The following UBOX5 variants were observed in gnomAD, a reference collection of about 807,000 sequenced individuals.
UBOX5 encodes U-box domain containing 5, also known as RING finger protein 37.
UBOX5 carries 28 observed loss-of-function variants against 39.0 expected under a neutral mutation model. The observed-to-expected ratio is 0.72, with a 90% CI of 0.53 to 0.98. The LOEUF is 0.98. Ranked by LOEUF, UBOX5 falls within the 50% of genes least tolerant of loss-of-function variation. The probability of loss-of-function intolerance (pLI) is 0.00; values close to 1 mark genes in which losing one functional copy is unlikely to be tolerated. For missense variants in UBOX5, 585 were observed against 674.4 expected (o/e 0.87, Z 1.47); for synonymous variants, 283 against 275.5 (o/e 1.03, Z -0.27).
In UBOX5 at chr20:3,130,537, A is replaced by G. The variant is rs1239416055; in HGVS notation, c.-41-7131T>C. ...TTTGCAACTTTTTACTACTACCTTA[A>G]GATCAAAATCTTAAGTAGATTTTTG... is the stretch of plus-strand genomic sequence containing the variant. On this transcript the variant is annotated intron_variant, in intron 1 of 4. Coordinates refer to ENST00000217173, the MANE Select transcript of UBOX5 (RefSeq NM_014948.4). Among the ~76,000 whole-genome samples the G allele has an allele frequency of 3.3e-5, 5 of 151,930 alleles. No homozygotes were observed. In the East Asian group the frequency reaches 9.6e-4, roughly 29 times the overall value.
At chr20:3,140,280 C>T (rs946224743) in intron 1 of UBOX5, among the ~76,000 whole-genome samples, 1 of 152,090 alleles carries the variant, frequency 6.6e-6, no homozygotes, top group Admixed American at 6.6e-5. Context: ...CCTTGGCCTC[C>T]CACAATGCTG....
chr20:3,143,129 A>G (rs975443064), intron 1 of UBOX5, among the ~76,000 whole-genome samples: 7 of 131,756 alleles, frequency 5.3e-5, no homozygotes, highest in Non-Finnish European at 9.4e-5. Flanking sequence ...TTTTTGAGAC[A>G]GAGTCTCTGG....
At chr20:3,112,021 G>GT (rs2066257493) in intron 4 of UBOX5, among the ~76,000 whole-genome samples, 2 of 152,150 alleles carry the variant, frequency 1.3e-5, no homozygotes, top group African/African-American at 4.8e-5. Flanking sequence ...GGCTGCGGGT[G>GT]TTTTCTTTGG....
chr20:3,155,219 CCCTGT>C lies in UBOX5; in HGVS notation c.-42+4542_-42+4546del, dbSNP rs2066672165. Among the ~76,000 whole-genome samples, 3 of 152,030 alleles carry C rather than the reference CCCTGT, an allele frequency of 2.0e-5. No individual in the cohort carries two copies. The South Asian group carries it at 6.2e-4, about 32-fold the overall frequency. On this transcript the variant is annotated intron_variant, in intron 1 of 4. Coordinates refer to ENST00000217173, the MANE Select transcript of UBOX5 (RefSeq NM_014948.4). ...GACCAGCCTGGGTAACATGGTGAAA[CCCTGT>C]CTCTACTAAAAATACAAAAAGTAGG...
At chr20:3,123,132 G>A (rs1055442003) in intron 2 of UBOX5, among the ~76,000 whole-genome samples, 180 bp downstream of exon 2, 5 of 152,146 alleles carry the variant, frequency 3.3e-5, no homozygotes, top group Non-Finnish European at 5.9e-5. Flanking sequence ...TCACCATGGC[G>A]CTGTGTGATT....
intron 1 of UBOX5, among the ~76,000 whole-genome samples, chr20:3,136,478 C>T (rs895432808): frequency 6.6e-5 from 10 of 151,714 alleles, no homozygotes; most frequent in Admixed American, 1.3e-4. Context: ...CTCAGCCTCC[C>T]GAGTAGCTGG....
At chr20:3,146,782 A>G (rs1218734963) in intron 1 of UBOX5, 9 of 1,613,218 alleles carry the variant, frequency 5.6e-6, no homozygotes, top group South Asian at 5.5e-5. Context: ...CCCTTCAGAG[A>G]GCAGAGGTGA....
intron 1 of UBOX5, among the ~76,000 whole-genome samples, chr20:3,140,832 T>C (rs1247049940): frequency 6.6e-6 from 1 of 151,636 alleles, no homozygotes; most frequent in African/African-American, 2.4e-5. Flanking sequence ...GTACTGAGCA[T>C]AGTACTAACA....
intron 1 of UBOX5, among the ~76,000 whole-genome samples, chr20:3,157,081 C>T (rs1437212762): frequency 6.7e-6 from 1 of 148,680 alleles, no homozygotes; most frequent in Non-Finnish European, 1.5e-5. Flanking sequence ...GGCTACATGG[C>T]GAGACCCTGT....
intron 4 of UBOX5, among the ~76,000 whole-genome samples, chr20:3,112,732 A>T (rs949575585): frequency 6.6e-6 from 1 of 152,160 alleles, no homozygotes; most frequent in African/African-American, 2.4e-5. Flanking sequence ...TGGGAGGCCG[A>T]GGTGGGTGGA....
At chr20:3,139,082 G>T (rs1410483642) in intron 1 of UBOX5, among the ~76,000 whole-genome samples, 1 of 152,136 alleles carries the variant, frequency 6.6e-6, no homozygotes, top group Non-Finnish European at 1.5e-5. Context: ...TTCATAAATT[G>T]GGCACTTCAG....
rs2066394875 is a variant in UBOX5 at position 3,127,034 on chromosome 20, C to T, written c.-41-3628G>A. The stretch of plus-strand genomic sequence containing the variant: ...CTGGGCGACAAGAGCAAAACTCCGT[C>T]TCAAAAAAAAAAAAAAAAAAAAAAA... On this transcript the variant is annotated intron_variant, in intron 1 of 4. Transcript: ENST00000217173. Among the ~76,000 whole-genome samples the T allele has an allele frequency of 6.2e-5, 5 of 81,182 alleles. No homozygotes were observed. In the South Asian group the frequency reaches 2.4e-3, roughly 40 times the overall value. 53.3% of individuals were successfully genotyped at this position (81,182 alleles called of 152,430 possible). A position where few individuals can be genotyped will look rare whatever the true frequency, so the allele number is the denominator to read the frequency against.
intron 1 of UBOX5, among the ~76,000 whole-genome samples, chr20:3,125,564 G>C (rs535077138): frequency 8.2e-6 from 1 of 121,422 alleles, no homozygotes; most frequent in Admixed American, 8.7e-5. Context: ...ACCTCTGCCC[G>C]GCCGCCCATC....
rs1277551588 is a variant in UBOX5 at position 3,121,480 on chromosome 20, T to C, written c.1159A>G (p.Thr387Ala). 2.5e-6 allele frequency: 4 copies of C among 1,614,112 alleles called. No homozygotes were observed. ...GTAGTGGGTAAGACCAAAGGGCTTGTGGCAGAAAAACAGGAAGCATTTACA... is the reference window on the plus strand; with the variant it reads ...GTAGTGGGTAAGACCAAAGGGCTTGCGGCAGAAAAACAGGAAGCATTTACA... The part of the protein sequence containing the change: ...FGVNASCFSA[T>A]SPLVLPTTSE... Residue 387 changes from threonine (T) to alanine (A), a missense_variant, in exon 3 of 5, where the codon ACA (threonine) becomes GCA (alanine). Transcript: ENST00000217173.
At chr20:3,146,794 T>C (rs1279131041) in intron 1 of UBOX5, 1 of 1,613,994 alleles carries the variant, frequency 6.2e-7, no homozygotes, top group African/African-American at 1.3e-5. Flanking sequence ...CAGAGGTGAA[T>C]ACTTTCTCAT....
At chr20:3,140,844 T>C (rs1186348034) in intron 1 of UBOX5, among the ~76,000 whole-genome samples, 6 of 151,716 alleles carry the variant, frequency 4.0e-5, no homozygotes, top group African/African-American at 1.5e-4. Context: ...GTACTAACAG[T>C]TTGTTTTTCA....
At chr20:3,113,115 T>C (rs1206857270) in intron 4 of UBOX5, among the ~76,000 whole-genome samples, 2 of 85,284 alleles carry the variant, frequency 2.3e-5, no homozygotes, top group Non-Finnish European at 4.1e-5. Context: ...CTCTACTAAA[T>C]ATACAAAAAA....
rs2066221803 is a variant in UBOX5 at position 3,107,742 on chromosome 20, A to T, written c.*2364T>A. On this transcript the variant is annotated 3_prime_UTR_variant, in exon 5 of 5. Coordinates refer to ENST00000217173, the MANE Select transcript of UBOX5 (RefSeq NM_014948.4). The surrounding 1 kb of genome is among the most constrained non-coding windows in gnomAD (Gnocchi z 5.0). ...GGGGGTGGCTCCACCTGTACCCAGG[A>T]CAGGGCCTGCCACTCCAGGGGCTCC... is the stretch of plus-strand genomic sequence containing the variant. 1 of 152,172 alleles carries T rather than the reference A, an allele frequency of 6.6e-6. No individual in the cohort carries two copies. The highest frequency in any genetic ancestry group is 2.4e-5 in the African/African-American group (1 of 41,414). The allele number at this position is 152,172 out of a possible 1,614,324, so 9.4% of individuals were successfully genotyped here. A position where few individuals can be genotyped will look rare whatever the true frequency, so the allele number is the denominator to read the frequency against.
At chr20:3,147,966 C>A in intron 1 of UBOX5, 2 of 1,614,202 alleles carry the variant, frequency 1.2e-6, no homozygotes, top group Non-Finnish European at 1.7e-6. Flanking sequence ...TTGATGTGAT[C>A]CACGTGAGTG....
Sources: gnomAD v4.1 joint callset for allele counts (sites outside exome capture counted in the v4.1 genomes callset) on GRCh38, gnomAD v4.1.1 for gene constraint, Gnocchi (gnomAD v3.1) non-coding constraint, MANE v1.5 for transcripts, NCBI Gene and HGNC (gene_info 2026-07-23, HGNC 2026-07-21) for gene names.